The following PLCH1 variants were observed in gnomAD, a reference collection of about 807,000 sequenced individuals.
PLCH1 encodes 1-phosphatidylinositol 4,5-bisphosphate phosphodiesterase eta-1.
PLCH1 carries 60 observed loss-of-function variants against 126.7 expected under a neutral mutation model. That is an observed-to-expected ratio of 0.47 (90% CI 0.38 to 0.59). The LOEUF is 0.59. PLCH1 is among the 20% of genes least tolerant of loss of function. PLCH1 has a pLI of 0.00. For synonymous variants in PLCH1, 719 were observed against 734.9 expected (o/e 0.98, Z 0.35); for missense variants, 1,723 against 2,040.0 (o/e 0.84, Z 2.99).
chr3:155,557,411 A>G (rs966785107), intron 8 of PLCH1, among the ~76,000 whole-genome samples: 3 of 152,244 alleles, frequency 2.0e-5, no homozygotes, highest in Non-Finnish European at 4.4e-5. Flanking sequence ...TGGTGTCTAC[A>G]TCAAAAATTA....
intron 6 of PLCH1, among the ~76,000 whole-genome samples, chr3:155,579,902 C>A (rs1479342744): frequency 2.0e-5 from 3 of 152,116 alleles, no homozygotes; most frequent in Non-Finnish European, 4.4e-5. Context: ...CTTTCTCTCT[C>A]TCTCTCTCTC....
intron 1 of PLCH1, among the ~76,000 whole-genome samples, chr3:155,734,930 C>T (rs897658042): frequency 2.6e-5 from 4 of 152,138 alleles, no homozygotes; most frequent in African/African-American, 4.8e-5. Flanking sequence ...AGGATGGTCT[C>T]GATCTCCTGA....
chr3:155,641,118 T>G (rs1254152561), intron 2 of PLCH1, among the ~76,000 whole-genome samples: 1 of 152,040 alleles, frequency 6.6e-6, no homozygotes, highest in Non-Finnish European at 1.5e-5. Context: ...AAGAAAGAAT[T>G]TAGCTTTCTA....
chr3:155,602,370 A>G (rs1733850268), intron 2 of PLCH1, among the ~76,000 whole-genome samples: 1 of 152,202 alleles, frequency 6.6e-6, no homozygotes, highest in African/African-American at 2.4e-5. Flanking sequence ...AAAATCGAGT[A>G]GAAAGGATAA....
At chr3:155,581,705 G>A (rs552096477) in intron 6 of PLCH1, among the ~76,000 whole-genome samples, 11 of 150,446 alleles carry the variant, frequency 7.3e-5, no homozygotes, top group African/African-American at 2.7e-4. Flanking sequence ...TGCCGAAAAT[G>A]TTCTGAAATT....
rs1052334803 is a variant in PLCH1, at chr3:155,562,095, C to T, written c.1069+2820G>A. On this transcript the variant is annotated intron_variant, in intron 8 of 22. Coordinates refer to ENST00000460012, the MANE Select transcript of PLCH1 (RefSeq NM_014996.4). ...TGCGCCTGGCCACATTGTTTTTATA[C>T]TTAAGTGTCTGGTTTATAGTTTTAA... Among the ~76,000 whole-genome samples the T allele has an allele frequency of 2.6e-5, 4 of 152,140 alleles. No individual in the cohort carries two copies. In the East Asian group the frequency reaches 7.7e-4, roughly 29 times the overall value.
intron 2 of PLCH1, among the ~76,000 whole-genome samples, chr3:155,660,113 C>A (rs1221541269): frequency 6.6e-6 from 1 of 152,192 alleles, no homozygotes; most frequent in African/African-American, 2.4e-5. Context: ...GATCTCCTGA[C>A]AAGGCACCCA....
chr3:155,543,096 CA>C (rs1724614154), intron 10 of PLCH1, among the ~76,000 whole-genome samples: 1 of 152,074 alleles, frequency 6.6e-6, no homozygotes, highest in South Asian at 2.1e-4. Flanking sequence ...CTCCAAGCTA[CA>C]GGAGGAAATT....
chr3:155,481,541 A>T lies in PLCH1; in HGVS notation c.4485T>A (p.Ile1495=), dbSNP rs1209188960. Residue 1495 remains isoleucine (I), a synonymous_variant, in exon 23 of 23, where the codon ATT becomes ATA. Coordinates refer to ENST00000460012, the MANE Select transcript of PLCH1 (RefSeq NM_014996.4). This position sits in a 1 kb window ranked among gnomAD's most constrained non-coding sequence, Gnocchi z 4.2. ...GGTACTTGCTCTCAAAATTGCAGGC[A>T]ATGTCCTCTGATGTTAAGTCCCCCA... is the stretch of plus-strand genomic sequence containing the variant. ...KSLGDLTSED[I]ACNFESKYQC... is the part of the protein sequence containing the mutation. 6.2e-7 allele frequency: 1 copy of T among 1,614,052 alleles called. No homozygotes were observed. Among genetic ancestry groups the T allele is most frequent in the African/African-American group, 1.3e-5 (1 of 74,926 alleles).
intron 2 of PLCH1, among the ~76,000 whole-genome samples, chr3:155,629,271 C>A (rs1194207008): frequency 6.6e-6 from 1 of 152,158 alleles, no homozygotes; most frequent in African/African-American, 2.4e-5. Context: ...TACAGCAGGA[C>A]AATAAAACTG....
chr3:155,717,674 CACAG>C (rs1747629936), intron 1 of PLCH1, among the ~76,000 whole-genome samples: 1 of 152,202 alleles, frequency 6.6e-6, no homozygotes, highest in Non-Finnish European at 1.5e-5. Context: ...CCCAAGACTG[CACAG>C]AACAGCAGGG....
intron 10 of PLCH1, among the ~76,000 whole-genome samples, chr3:155,532,379 G>A (rs1722817514): frequency 6.8e-6 from 1 of 146,170 alleles, no homozygotes; most frequent in African/African-American, 2.8e-5. Flanking sequence ...TGTGAGGAGG[G>A]AAGATCCACC....
At chr3:155,727,991 T>G (rs1051121943) in intron 1 of PLCH1, among the ~76,000 whole-genome samples, 1 of 152,118 alleles carries the variant, frequency 6.6e-6, no homozygotes, top group African/African-American at 2.4e-5. Context: ...TGTCTCACTC[T>G]CTTGTCCCTT....
In PLCH1 at chr3:155,733,500, G is replaced by A. The variant is rs139943877; in HGVS notation, c.-41+11340C>T. Among the ~76,000 whole-genome samples the A allele has an allele frequency of 6.8e-3, 1,028 of 152,236 alleles. 6 individuals are homozygous for A. The highest frequency in any genetic ancestry group is 0.027 in the Middle Eastern group (8 of 294). On this transcript the variant is annotated intron_variant, in intron 1 of 22. Coordinates refer to ENST00000460012, the MANE Select transcript of PLCH1 (RefSeq NM_014996.4). The stretch of plus-strand genomic sequence containing the variant: ...CAGTCTCTTCGATAAATAGGTTGAG[G>A]AAAACTGGATATCCACATGCAGAAG...
At chr3:155,573,268 G>A (rs1186475399) in intron 6 of PLCH1, among the ~76,000 whole-genome samples, 6 of 152,162 alleles carry the variant, frequency 3.9e-5, no homozygotes, top group Non-Finnish European at 7.4e-5. Flanking sequence ...TGGGAACTGA[G>A]TATTGGAAGA....
Position 155,593,936 on chromosome 3 carries a change from G to A in PLCH1, c.470+5C>T, listed in dbSNP as rs1469087534. 2 of 1,613,852 alleles carry A rather than the reference G, an allele frequency of 1.2e-6. No individual in the cohort carries two copies. The highest frequency in any genetic ancestry group is 1.7e-6 in the Non-Finnish European group (2 of 1,179,836). On this transcript the variant is annotated splice_donor_5th_base_variant and intron_variant, in intron 4 of 22. Transcript: ENST00000460012. The stretch of plus-strand genomic sequence containing the variant: ...GAGCTGAAAATAAAGTTCTAGAAAG[G>A]ATATTGGTCATGGGTCCTCTGCCTT...
chr3:155,702,611 A>G (rs1266384382), intron 2 of PLCH1, among the ~76,000 whole-genome samples: 1 of 152,198 alleles, frequency 6.6e-6, no homozygotes, highest in Non-Finnish European at 1.5e-5. Flanking sequence ...ATACATAGAA[A>G]AAATTTTAAA....
chr3:155,696,393 C>T lies in PLCH1; in HGVS notation c.79+7753G>A, dbSNP rs183774592. 3.4e-4 allele frequency among the ~76,000 whole-genome samples: 51 copies of T among 151,986 alleles called. 1 individual carries two copies. In the East Asian group the frequency reaches 7.4e-3, roughly 22 times the overall value. On this transcript the variant is annotated intron_variant, in intron 2 of 22. Coordinates refer to ENST00000460012, the MANE Select transcript of PLCH1 (RefSeq NM_014996.4). ...CACAATCACTAATTATTACTGGATC[C>T]AAGGAAAAAAATCTAGATCTTTTGC...
At chr3:155,473,597 A>T (rs185865212) in intron 21 of PLCH1, among the ~76,000 whole-genome samples, 1 of 151,928 alleles carries the variant, frequency 6.6e-6, no homozygotes, top group Non-Finnish European at 1.5e-5. Flanking sequence ...TATGGAACCA[A>T]AAAAGAGCCC....
Sources: allele counts gnomAD v4.1 joint callset (sites outside exome capture counted in the v4.1 genomes callset), GRCh38; gene constraint gnomAD v4.1.1; non-coding constraint Gnocchi (gnomAD v3.1); transcripts MANE v1.5; gene names NCBI Gene and HGNC (gene_info 2026-07-23, HGNC 2026-07-21).